Variants in TMEM131 observed in about 807,000 individuals in gnomAD.
The protein encoded by TMEM131 is 2610524E03Rik.
A neutral mutation model predicts 211.6 loss-of-function variants in TMEM131; 66 were observed. The ratio of observed to expected loss-of-function variants is 0.31; its 90% CI spans 0.26 to 0.38. TMEM131 has a LOEUF of 0.38. TMEM131 is among the 10% of genes least tolerant of loss of function. The probability of loss-of-function intolerance (pLI) is 1.00; values close to 1 mark genes in which losing one functional copy is unlikely to be tolerated. For synonymous variants in TMEM131, 844 were observed against 841.3 expected (o/e 1.00, Z -0.06); for missense variants, 2,036 against 2,299.3 (o/e 0.89, Z 2.34).
intron 1 of TMEM131, among the ~76,000 whole-genome samples, chr2:97,994,214 G>A (rs563704247): frequency 1.3e-5 from 2 of 152,330 alleles, no homozygotes; most frequent in South Asian, 4.1e-4. Flanking sequence ...TGTGGCCAAT[G>A]ATGTATTATG....
intron 5 of TMEM131, among the ~76,000 whole-genome samples, chr2:97,852,584 G>T (rs565987370): frequency 1.3e-5 from 2 of 152,368 alleles, no homozygotes; most frequent in South Asian, 2.1e-4. Context: ...ATCGATTCAT[G>T]AGGTTTAAGA....
At chr2:97,759,854 G>C in intron 38 of TMEM131, 105 bp from the exon 39 acceptor site, 1 of 777,174 alleles carries the variant, frequency 1.3e-6, no homozygotes. Flanking sequence ...GCTTCAACTG[G>C]GGGTACTCAA....
chr2:97,782,431 G>A (rs1041441937), intron 31 of TMEM131, among the ~76,000 whole-genome samples: 1 of 152,132 alleles, frequency 6.6e-6, no homozygotes, highest in Non-Finnish European at 1.5e-5. Flanking sequence ...ATACCCAAAT[G>A]GTCCAGGTTT....
At chr2:97,972,833 C>G (rs1470608111) in intron 1 of TMEM131, among the ~76,000 whole-genome samples, 1 of 152,126 alleles carries the variant, frequency 6.6e-6, no homozygotes, top group African/African-American at 2.4e-5. Context: ...GCTTTGAAGG[C>G]AGGGGAAGGG....
intron 1 of TMEM131, among the ~76,000 whole-genome samples, chr2:97,961,527 G>GGTT (rs1038183830): frequency 6.6e-6 from 1 of 152,162 alleles, no homozygotes; most frequent in Non-Finnish European, 1.5e-5. Flanking sequence ...CAAAATCTCA[G>GGTT]GTTGTTGTTG....
At position 97,797,499 on chromosome 2, in the gene TMEM131, A is replaced by G; in HGVS notation, c.2736T>C (p.Ser912=). ...VFRNSAHPLQ[S]STGFMEGLSR... ...AGAGGCCCTCCATAAATCCTGTTGA[A>G]CTCTGCAGTGGATGAGCCTTGAATC... Residue 912 remains serine (S), a synonymous_variant, in exon 26 of 41, where the codon AGT becomes AGC. Transcript: ENST00000186436. The G allele has an allele frequency of 6.2e-7, 1 of 1,612,656 alleles. No individual in the cohort carries two copies. The highest frequency in any genetic ancestry group is 1.1e-5 in the South Asian group (1 of 90,858).
At position 97,793,457 on chromosome 2, in the gene TMEM131, C is replaced by G. The variant is rs761446202; in HGVS notation, c.3483G>C (p.Pro1161=). 8.1e-6 allele frequency: 13 copies of G among 1,613,832 alleles called. No homozygotes were observed. Among genetic ancestry groups the G allele is most frequent in the Non-Finnish European group, 1.0e-5 (12 of 1,179,872 alleles). The change falls in exon 30 of 41, where the codon CCG becomes CCC. Residue 1161 remains proline, a synonymous_variant. Transcript: ENST00000186436. ...CAAATGGCCTTCCCACATCGAAGGG[C>G]GGGTTCGAGGCCTCAAAGGATAGCC... ...RRRLSFEASN[P]PFDVGRPFDL...
intron 6 of TMEM131, among the ~76,000 whole-genome samples, chr2:97,843,029 A>G (rs983167526): frequency 2.0e-5 from 3 of 151,160 alleles, no homozygotes; most frequent in African/African-American, 4.9e-5. Flanking sequence ...ATTTTATATG[A>G]TATGTCAGAG....
chr2:97,988,675 C>T (rs573643293), intron 1 of TMEM131, among the ~76,000 whole-genome samples: 2 of 152,080 alleles, frequency 1.3e-5, no homozygotes, highest in Non-Finnish European at 2.9e-5. Context: ...AAAAGACGCT[C>T]AATATCATTA....
chr2:97,940,842 G>T (rs897466140), intron 1 of TMEM131, among the ~76,000 whole-genome samples: 1 of 150,478 alleles, frequency 6.6e-6, no homozygotes, highest in African/African-American at 2.4e-5. Context: ...ACAAATGGAA[G>T]AACATTCCAT....
chr2:97,867,059 A>G (rs929779414), intron 4 of TMEM131, among the ~76,000 whole-genome samples: 3 of 152,214 alleles, frequency 2.0e-5, no homozygotes, highest in South Asian at 2.1e-4. Context: ...TTCAGCCTGT[A>G]TTGTTTAAAT....
intron 32 of TMEM131, 92 bp from the exon 33 acceptor site, chr2:97,772,516 T>A: frequency 7.3e-7 from 1 of 1,370,358 alleles, no homozygotes; most frequent in Non-Finnish European, 1.0e-6. Context: ...ATCAAAGATG[T>A]AAAAATATAC....
intron 2 of TMEM131, among the ~76,000 whole-genome samples, chr2:97,915,554 C>T (rs1203597691): frequency 1.3e-5 from 2 of 152,184 alleles, no homozygotes; most frequent in African/African-American, 2.4e-5. Flanking sequence ...GTTGCCTAAG[C>T]TGGTCTTAAT....
chr2:97,962,540 C>T (rs1678867731), intron 1 of TMEM131, among the ~76,000 whole-genome samples: 1 of 152,122 alleles, frequency 6.6e-6, no homozygotes, highest in African/African-American at 2.4e-5. Context: ...TAAGTACCCA[C>T]TGAAATGACT....
chr2:97,924,002 C>G (rs111697142), intron 2 of TMEM131, among the ~76,000 whole-genome samples: 1 of 151,998 alleles, frequency 6.6e-6, no homozygotes, highest in African/African-American at 2.4e-5. Flanking sequence ...ATGGCGTGAA[C>G]CCAGGAGGCA....
intron 6 of TMEM131, 67 bp from the exon 7 acceptor site, chr2:97,842,004 G>C: frequency 2.2e-6 from 3 of 1,385,242 alleles, no homozygotes; most frequent in East Asian, 2.6e-5. Flanking sequence ...AGTTATAACT[G>C]ACTGATCTAG....
chr2:97,786,690 G>A (rs572883496), intron 31 of TMEM131, among the ~76,000 whole-genome samples: 8 of 152,214 alleles, frequency 5.3e-5, no homozygotes, highest in Non-Finnish European at 1.2e-4. Context: ...CACCATAAAT[G>A]CTGTGCATGT....
rs772144953 is a variant in TMEM131, at chr2:97,811,213, T to C, written c.1883A>G (p.Tyr628Cys). Residue 628 changes from tyrosine to cysteine, a missense_variant, in exon 18 of 41, where the codon TAT (tyrosine) becomes TGT (cysteine). Tyr to Cys is a radical substitution (Grantham distance 194). This residue lies in a region of TMEM131 where 1,623 missense variants were observed against 1,805.9 expected (regional missense o/e 0.90). Transcript: ENST00000186436. The part of the protein sequence containing the change: ...DQSSVTLASG[Y>C]FAVFRVKLTA... ...AAGTTTGACTCTGAAGACTGCAAAA[T>C]AGCCTGAAGCTAATGTTACCTGTAG... is the stretch of plus-strand genomic sequence containing the variant. 159 of 1,613,550 alleles carry C rather than the reference T, an allele frequency of 9.9e-5. No individual in the cohort carries two copies. The highest frequency in any genetic ancestry group is 2.8e-4 in the Admixed American group (17 of 60,022).
chr2:97,992,106 C>T (rs1205928806), intron 1 of TMEM131, among the ~76,000 whole-genome samples: 5 of 152,314 alleles, frequency 3.3e-5, no homozygotes, highest in African/African-American at 9.6e-5. Context: ...TTAAAAGGTA[C>T]CCACTCTACC....
Sources: allele counts gnomAD v4.1 joint callset (sites outside exome capture counted in the v4.1 genomes callset), GRCh38; gene constraint gnomAD v4.1.1; regional missense constraint gnomAD v4.1.1; transcripts MANE v1.5; gene names NCBI Gene and HGNC (gene_info 2026-07-23, HGNC 2026-07-21).